The following FGA variants were observed in gnomAD, a reference collection of about 807,000 sequenced individuals.
FGA encodes the protein fibrinogen, A alpha polypeptide.
FGA carries 20 observed loss-of-function variants against 20.3 expected under a neutral mutation model. The ratio of observed to expected loss-of-function variants is 0.99; its 90% confidence interval spans 0.69 to 1.43. The LOEUF is 1.43. FGA is among the 40% of genes most tolerant of loss of function. The probability of loss-of-function intolerance (pLI) is 0.00; values close to 1 mark genes in which losing one functional copy is unlikely to be tolerated. For synonymous variants in FGA, 306 were observed against 281.6 expected (o/e 1.09, Z -0.87); for missense variants, 777 against 784.7 (o/e 0.99, Z 0.12).
In FGA at chr4:154,585,911, C is replaced by A. The variant is rs1032950471; in HGVS notation, c.1518G>T (p.Leu506=). 1.9e-6 allele frequency: 3 copies of A among 1,614,060 alleles called. No individual in the cohort carries two copies. Among genetic ancestry groups the A allele is most frequent in the Non-Finnish European group, 2.5e-6 (3 of 1,179,916 alleles). Reference sequence around the variant, plus strand: ...CAGGGTGCCTATGGCGGAACCCATCCAGAGTACCTATGCCAGACAATGTGC... The same window carrying A: ...CAGGGTGCCTATGGCGGAACCCATCAAGAGTACCTATGCCAGACAATGTGC... ...DLGTLSGIGT[L]DGFRHRHPDE... The change falls in exon 5 of 5, where the codon CTG becomes CTT. Residue 506 remains leucine, a synonymous_variant. Transcript: ENST00000403106.
At chr4:154,584,186 TAAAGGA>T (rs1263291863), downstream of FGA, 5 of 1,611,496 alleles carry the variant, frequency 3.1e-6, no homozygotes, top group Admixed American at 8.4e-5. Flanking sequence ...TCTGCCCCTC[TAAAGGA>T]AACCCAGACC....
At chr4:154,584,828 C>T, downstream of FGA, 1 of 1,608,908 alleles carries the variant, frequency 6.2e-7, no homozygotes, top group Non-Finnish European at 8.5e-7. Context: ...AGGACATCAT[C>T]ACAGTCTAAA....
At position 154,585,934 on chromosome 4, in the gene FGA, T is replaced by G. The variant is rs1730699248; in HGVS notation, c.1495A>C (p.Thr499Pro). The change falls in exon 5 of 5, where the codon ACA (threonine) becomes CCA (proline). Residue 499 changes from threonine to proline, a missense_variant. Physicochemically the swap from Thr to Pro is conservative, Grantham distance 38. Coordinates refer to ENST00000403106, the MANE Select transcript of FGA (RefSeq NM_021871.4). ...SDCPEAMDLG[T>P]LSGIGTLDGF... The stretch of plus-strand genomic sequence containing the variant: ...TCCAGAGTACCTATGCCAGACAATG[T>G]GCCTAAATCCATTGCCTCGGGACAG... 1 of 1,614,078 alleles carries G rather than the reference T, an allele frequency of 6.2e-7. No homozygotes were observed. The highest frequency in any genetic ancestry group is 2.2e-5 in the East Asian group (1 of 44,876).
chr4:154,588,428 A>C (rs1365080735), intron 3 of FGA, among the ~76,000 whole-genome samples: 1 of 152,146 alleles, frequency 6.6e-6, no homozygotes, highest in Non-Finnish European at 1.5e-5. Context: ...TGTGTCTTTG[A>C]ACAAGTTCCT....
chr4:154,587,689 T>C, intron 3 of FGA, 32 bp from the exon 4 acceptor site: 1 of 1,604,798 alleles, frequency 6.2e-7, no homozygotes, highest in Non-Finnish European at 8.5e-7. Context: ...TTGAAGTAGC[T>C]GCTGAGTGAT....
downstream of FGA, chr4:154,584,431 G>A (rs1490322302): frequency 6.2e-7 from 1 of 1,614,138 alleles, no homozygotes; most frequent in South Asian, 1.1e-5. Context: ...CTCAATCAGA[G>A]CATCACCCGC....
At chr4:154,584,330 A>T, downstream of FGA, 2 of 1,614,148 alleles carry the variant, frequency 1.2e-6, no homozygotes, top group Non-Finnish European at 1.7e-6. Context: ...ACTTCTGCAC[A>T]GTTCTCTTCC....
At chr4:154,589,387 C>G (rs1270442356) in intron 2 of FGA, 50 bp downstream of exon 2, 1 of 1,611,320 alleles carries the variant, frequency 6.2e-7, no homozygotes, top group East Asian at 2.2e-5. Context: ...CTGTGAGCCC[C>G]TCTAGCATCA....
rs138084209 is a variant in FGA, at chr4:154,587,770, A to G, written c.365-113T>C. ...GAGAAAGAAAGAAAGAAAGAAAGAA[A>G]GAAAGAAAGAAAGAAAGAAAGAAAG... On this transcript the variant is annotated intron_variant, in intron 3 of 4. Coordinates refer to ENST00000403106, the MANE Select transcript of FGA (RefSeq NM_021871.4). The G allele has an allele frequency of 3.7e-4, 252 of 677,912 alleles. 1 individual carries two copies. Among genetic ancestry groups the G allele is most frequent in the African/African-American group, 3.3e-3 (162 of 49,580 alleles). The allele number at this position is 677,912 out of a possible 1,614,324, so 42.0% of individuals were successfully genotyped here. A position where few individuals can be genotyped will look rare whatever the true frequency, so the allele number is the denominator to read the frequency against.
At chr4:154,588,045 G>A (rs1278821796) in intron 3 of FGA, among the ~76,000 whole-genome samples, 2 of 152,126 alleles carry the variant, frequency 1.3e-5, no homozygotes, top group South Asian at 4.1e-4. Flanking sequence ...TGGTTTGATT[G>A]CATTTCAATT....
downstream of FGA, chr4:154,585,145 G>T: frequency 1.1e-6 from 1 of 907,832 alleles, no homozygotes; most frequent in Non-Finnish European, 1.5e-6. Context: ...CTTGTATTTA[G>T]CCTGACCTAA....
downstream of FGA, chr4:154,584,386 T>C (rs763593060): frequency 5.6e-6 from 9 of 1,614,176 alleles, no homozygotes; most frequent in Admixed American, 5.0e-5. Flanking sequence ...CATGTTGTTG[T>C]GAGAGGTGTA....
Position 154,586,049 on chromosome 4 carries a change from T to G in FGA, c.1380A>C (p.Ser460=), listed in dbSNP as rs750763343. The stretch of plus-strand genomic sequence containing the variant: ...CAGTCTTAGTAACGGTTTTAGAGCA[T>G]GAACGACGCGTGGTGGTTGTGCTAC... The part of the protein sequence containing the change: ...TSGSTTTTRR[S]CSKTVTKTVI... The change falls in exon 5 of 5, where the codon TCA becomes TCC. Residue 460 remains serine (S), a synonymous_variant. Transcript: ENST00000403106. 3.7e-6 allele frequency: 6 copies of G among 1,614,196 alleles called. No homozygotes were observed. Among genetic ancestry groups the G allele is most frequent in the Non-Finnish European group, 5.1e-6 (6 of 1,180,024 alleles).
chr4:154,587,519 C>A lies in FGA; in HGVS notation c.503G>T (p.Arg168Leu). 3.7e-6 allele frequency: 6 copies of A among 1,613,788 alleles called. No individual in the cohort carries two copies. The highest frequency in any genetic ancestry group is 2.2e-5 in the South Asian group (2 of 91,044). ...NVRAQLVDMKRLEVDIDIKIR... is the reference protein window; with the variant it reads ...NVRAQLVDMKLLEVDIDIKIR... ...CCACAGCCACATACTTACCTCCAGTCGTTTCATATCAACCAACTGAGCTCT... is the reference window on the plus strand; with the variant it reads ...CCACAGCCACATACTTACCTCCAGTAGTTTCATATCAACCAACTGAGCTCT... Residue 168 changes from arginine (R) to leucine (L), a missense_variant, in exon 4 of 5, where the codon CGA (arginine) becomes CTA (leucine). Physicochemically the swap from Arg to Leu is moderately radical, Grantham distance 102 (BLOSUM62 -2). Coordinates refer to ENST00000403106, the MANE Select transcript of FGA (RefSeq NM_021871.4).
chr4:154,584,561 A>G, downstream of FGA: 2 of 1,614,142 alleles, frequency 1.2e-6, no homozygotes, highest in South Asian at 1.1e-5. Context: ...CTAAGAACAG[A>G]GCCCCTTTGG....
chr4:154,590,037 C>A (rs1411341173), intron 1 of FGA, among the ~76,000 whole-genome samples: 1 of 152,208 alleles, frequency 6.6e-6, no homozygotes, highest in Non-Finnish European at 1.5e-5. Context: ...TTCTATGTAA[C>A]CTTTAGAGAT....
At chr4:154,584,527 C>A (rs1730661905), downstream of FGA, 1 of 1,614,126 alleles carries the variant, frequency 6.2e-7, no homozygotes, top group Non-Finnish European at 8.5e-7. Context: ...AGCTTCATTC[C>A]CAGCCCAGTC....
Position 154,585,874 on chromosome 4 carries a change from A to T in FGA, c.1555T>A (p.Phe519Ile). The T allele has an allele frequency of 6.2e-7, 1 of 1,614,132 alleles. No homozygotes were observed. The highest frequency in any genetic ancestry group is 2.2e-5 in the East Asian group (1 of 44,882). ...FRHRHPDEAA[F>I]FDTASTGKTF... Reference sequence around the variant, plus strand: ...TTTCCAGTTGAGGCAGTGTCGAAGAAGGCAGCTTCATCAGGGTGCCTATGG... The same window carrying T: ...TTTCCAGTTGAGGCAGTGTCGAAGATGGCAGCTTCATCAGGGTGCCTATGG... The change falls in exon 5 of 5, where the codon TTC (phenylalanine) becomes ATC (isoleucine). Residue 519 changes from phenylalanine (F) to isoleucine (I), a missense_variant. By Grantham distance (21) the Phe-to-Ile change is conservative. Transcript: ENST00000403106.
At chr4:154,584,951 C>T (rs1730671948), downstream of FGA, 1 of 852,606 alleles carries the variant, frequency 1.2e-6, no homozygotes, top group African/African-American at 1.7e-5. Context: ...CTTTCTTCCT[C>T]CTTTCCTTCC....
Sources: gnomAD v4.1 joint callset for allele counts (sites outside exome capture counted in the v4.1 genomes callset) on GRCh38, gnomAD v4.1.1 for gene constraint, MANE v1.5 for transcripts, NCBI Gene and HGNC (gene_info 2026-07-23, HGNC 2026-07-21) for gene names.